MKLN1: variants seen among roughly 807,000 people sequenced by gnomAD.
The protein encoded by MKLN1 is muskelin 1, also known as muskelin.
In MKLN1, 18 loss-of-function variants were observed where a neutral mutation model predicts 99.0. The ratio of observed to expected loss-of-function variants is 0.18; its 90% confidence interval spans 0.13 to 0.27. MKLN1 has a LOEUF of 0.27. MKLN1 is among the 10% of genes least tolerant of loss of function. The pLI is 1.00. For missense variants in MKLN1, 621 were observed against 875.9 expected, an observed-to-expected ratio of 0.71 and a Z score of 3.67; for synonymous variants, 288 against 293.2, an observed-to-expected ratio of 0.98 and a Z score of 0.18.
intron 3 of MKLN1, among the ~76,000 whole-genome samples, chr7:131,285,336 A>T (rs1798115979): frequency 6.6e-6 from 1 of 152,208 alleles, no homozygotes; most frequent in South Asian, 2.1e-4. Flanking sequence ...TTTGCCAAAG[A>T]TGAACCTCCT....
chr7:131,353,069 A>G (rs1250699492), intron 1 of MKLN1, among the ~76,000 whole-genome samples: 2 of 152,184 alleles, frequency 1.3e-5, no homozygotes, highest in African/African-American at 2.4e-5. Context: ...AAATGAAGCT[A>G]CTATAAACAT....
chr7:131,398,154 T>A (rs992332958), intron 5 of MKLN1, among the ~76,000 whole-genome samples: 1 of 152,314 alleles, frequency 6.6e-6, no homozygotes, highest in African/African-American at 2.4e-5. Context: ...TGTTTGATTA[T>A]CATGCAGGCT....
chr7:131,153,663 G>GTTTT lies in MKLN1; in HGVS notation c.-297+10722_-297+10723insTTTT, dbSNP rs144256871. On this transcript the variant is annotated intron_variant, in intron 2 of 7. Transcript: ENST00000416992. ...TACAAAATGAAAGTAGGTTTTTTTT[G>GTTTT]GTTTTTTTTTTTTTTTTGAGAAGGA... 1.3e-3 allele frequency among the ~76,000 whole-genome samples: 179 copies of GTTTT among 135,182 alleles called. 26 individuals are homozygous for GTTTT. Among genetic ancestry groups the GTTTT allele is most frequent in the Non-Finnish European group, 1.4e-3 (90 of 64,746 alleles). The allele number at this position is 135,182 out of a possible 152,430, so 88.7% of individuals were successfully genotyped here.
rs1447680596 is a variant in MKLN1, at chr7:131,285,000, G to C, written c.-179+82026G>C. The C allele has an allele frequency of 2.6e-5, 4 of 152,224 alleles. No individual in the cohort carries two copies. In the South Asian group the frequency reaches 8.3e-4, roughly 32 times the overall value. 9.4% of individuals were successfully genotyped at this position (152,224 alleles called of 1,614,324 possible). ...AGGTAGAGGCTTCTTGAGAAAACAA[G>C]GATAAGTGATGCGTACTCTGAGGCT... On this transcript the variant is annotated intron_variant, in intron 3 of 7. Transcript: ENST00000416992.
In MKLN1 at chr7:131,429,143, G is replaced by C. The variant is rs754607249; in HGVS notation, c.958G>C (p.Glu320Gln). 3.7e-6 allele frequency: 6 copies of C among 1,607,416 alleles called. No individual in the cohort carries two copies. The highest frequency in any genetic ancestry group is 5.1e-6 in the Non-Finnish European group (6 of 1,174,618). Residue 320 changes from glutamate (E) to glutamine (Q), a missense_variant and splice_region_variant, in exon 9 of 18, where the codon GAG (glutamate) becomes CAG (glutamine). Glu to Gln is a conservative substitution (Grantham distance 29). Around this residue, in one of 8 missense-constraint regions of MKLN1, gnomAD observed 361 missense variants for 540.8 expected, o/e 0.67. Coordinates refer to ENST00000352689, the MANE Select transcript of MKLN1 (RefSeq NM_013255.5). Reference sequence around the variant, plus strand: ...ATGTATCTCTAGAGACACTGAAAAAGAGGCAAGTTCTCAGACTTTTCATAC... The same window carrying C: ...ATGTATCTCTAGAGACACTGAAAAACAGGCAAGTTCTCAGACTTTTCATAC... ...WTCISRDTEK[E>Q]NGPSARSCHK...
chr7:131,175,272 G>A (rs1469344479), intron 2 of MKLN1, among the ~76,000 whole-genome samples: 1 of 55,112 alleles, frequency 1.8e-5, no homozygotes, highest in African/African-American at 8.2e-5. Flanking sequence ...AGATAGAGTA[G>A]GTGGAAGAAA....
chr7:131,236,043 G>A (rs1423095438), intron 3 of MKLN1, among the ~76,000 whole-genome samples: 1 of 152,208 alleles, frequency 6.6e-6, no homozygotes, highest in Non-Finnish European at 1.5e-5. Flanking sequence ...AGTCTAGGGT[G>A]AGAGGTGGAT....
chr7:131,438,020 T>C (rs1584742541), intron 10 of MKLN1, 23 bp downstream of exon 10: 1 of 1,559,212 alleles, frequency 6.4e-7, no homozygotes, highest in African/African-American at 1.4e-5. Context: ...GTTAAATATA[T>C]GATGGAATTA....
At chr7:131,255,389 C>G (rs184027280) in intron 3 of MKLN1, among the ~76,000 whole-genome samples, 1 of 152,106 alleles carries the variant, frequency 6.6e-6, no homozygotes, top group East Asian at 1.9e-4. Context: ...TTAAAAGCAG[C>G]AAGGGAAAAA....
At chr7:131,191,852 T>C (rs1453112921) in intron 2 of MKLN1, among the ~76,000 whole-genome samples, 1 of 150,436 alleles carries the variant, frequency 6.6e-6, no homozygotes, top group Admixed American at 6.7e-5. Flanking sequence ...TAGCTGGGAC[T>C]ACAGGCAGCT....
intron 3 of MKLN1, among the ~76,000 whole-genome samples, chr7:131,259,674 G>A (rs1417750801): frequency 2.0e-5 from 3 of 151,960 alleles, no homozygotes; most frequent in African/African-American, 4.8e-5. Context: ...GTTTTTTATT[G>A]TAGTAAAATA....
intron 6 of MKLN1, among the ~76,000 whole-genome samples, chr7:131,410,149 A>T (rs1794833716): frequency 6.6e-6 from 1 of 152,104 alleles, no homozygotes; most frequent in Non-Finnish European, 1.5e-5. Context: ...GGGGGGATGT[A>T]TGTAGGGAGT....
intron 9 of MKLN1, among the ~76,000 whole-genome samples, chr7:131,432,682 G>A (rs548979259): frequency 4.6e-5 from 7 of 152,186 alleles, no homozygotes; most frequent in African/African-American, 1.7e-4. Context: ...TCTTGACCTC[G>A]TAATCCACTG....
intron 2 of MKLN1, among the ~76,000 whole-genome samples, chr7:131,160,456 G>A (rs1796029469): frequency 6.7e-6 from 1 of 149,014 alleles, no homozygotes; most frequent in Admixed American, 6.7e-5. Flanking sequence ...CAGTTGTAAG[G>A]GAACTCTATG....
intron 6 of MKLN1, among the ~76,000 whole-genome samples, chr7:131,410,102 T>C (rs1034771005): frequency 1.3e-5 from 2 of 152,196 alleles, no homozygotes. Context: ...TTGAGGGCCA[T>C]GGGAGTAGGG....
chr7:131,376,084 T>G (rs1793637161), intron 2 of MKLN1, among the ~76,000 whole-genome samples: 1 of 133,074 alleles, frequency 7.5e-6, no homozygotes, highest in Non-Finnish European at 1.6e-5. Context: ...AATTGTAGTA[T>G]AATTCATGGA....
At chr7:131,235,716 T>C (rs975404778) in intron 3 of MKLN1, among the ~76,000 whole-genome samples, 29 of 152,212 alleles carry the variant, frequency 1.9e-4, no homozygotes, top group Non-Finnish European at 4.0e-4. Flanking sequence ...GGTATTTCTG[T>C]TGGCCTGTCG....
intron 3 of MKLN1, among the ~76,000 whole-genome samples, chr7:131,237,834 A>C (rs188903751): frequency 2.0e-5 from 3 of 152,236 alleles, no homozygotes; most frequent in Admixed American, 2.0e-4. Context: ...CATGGAAGGG[A>C]TGGGAGTATC....
intron 1 of MKLN1, among the ~76,000 whole-genome samples, chr7:131,348,500 A>G (rs1350315220): frequency 6.6e-6 from 1 of 152,046 alleles, no homozygotes; most frequent in Non-Finnish European, 1.5e-5. Flanking sequence ...GAATTTTTTA[A>G]TAGTTTTAAG....
Sources: allele counts gnomAD v4.1 joint callset (sites outside exome capture counted in the v4.1 genomes callset), GRCh38; gene constraint gnomAD v4.1.1; regional missense constraint gnomAD v4.1.1; transcripts MANE v1.5; gene names NCBI Gene and HGNC (gene_info 2026-07-23, HGNC 2026-07-21).